Variants in CNBD1 observed in about 807,000 individuals in gnomAD.
CNBD1 encodes the protein cyclic nucleotide binding domain containing 1, also known as cyclic nucleotide-binding domain-containing protein 1.
Under a neutral mutation model 54.4 loss-of-function variants are expected in CNBD1, and 71 were observed. The ratio of observed to expected loss-of-function variants is 1.30; its 90% CI spans 1.08 to 1.59. CNBD1 has a LOEUF of 1.59. Among genes scored for constraint, CNBD1 ranks in the 40% most tolerant of loss-of-function variants. The probability of loss-of-function intolerance (pLI) is 0.00; values close to 1 mark genes in which losing one functional copy is unlikely to be tolerated. For synonymous variants in CNBD1, 182 were observed against 170.7 expected (o/e 1.07, Z -0.51); for missense variants, 659 against 518.0 (o/e 1.27, Z -2.64).
chr8:87,266,437 T>A (rs143578008), intron 6 of CNBD1, among the ~76,000 whole-genome samples: 31 of 41,282 alleles, frequency 7.5e-4, no homozygotes, highest in South Asian at 1.4e-3. Flanking sequence ...AAAAAAAAAA[T>A]CTTTTTTTTT....
In CNBD1 at chr8:86,878,775, G is replaced by A. The variant is rs1022333261; in HGVS notation, c.89-8767G>A. On this transcript the variant is annotated intron_variant, in intron 1 of 10. Transcript: ENST00000518476. Reference sequence around the variant, plus strand: ...CTTCCTATTTCCTCAAACAAGACCAGTATGCATTTTCTCTTGTACCTCTTT... The same window carrying A: ...CTTCCTATTTCCTCAAACAAGACCAATATGCATTTTCTCTTGTACCTCTTT... Among the ~76,000 whole-genome samples the A allele has an allele frequency of 7.9e-5, 12 of 152,108 alleles. 1 individual carries two copies. The highest frequency in any genetic ancestry group is 1.3e-4 in the Non-Finnish European group (9 of 68,004).
intron 5 of CNBD1, among the ~76,000 whole-genome samples, chr8:87,215,730 T>TCTTTAAGC (rs1423193626): frequency 6.6e-6 from 1 of 152,216 alleles, no homozygotes; most frequent in African/African-American, 2.4e-5. Flanking sequence ...TTGAATTGTA[T>TCTTTAAGC]CTTTAAGCCT....
chr8:87,089,926 A>T (rs181877141), intron 4 of CNBD1, among the ~76,000 whole-genome samples: 98 of 152,268 alleles, frequency 6.4e-4, no homozygotes, highest in African/African-American at 2.3e-3. Context: ...GCCTTAGCTT[A>T]CATATATGAA....
chr8:87,328,047 C>A (rs962201776), intron 8 of CNBD1, among the ~76,000 whole-genome samples: 1 of 151,706 alleles, frequency 6.6e-6, no homozygotes, highest in East Asian at 1.9e-4. Context: ...TATATATATA[C>A]CATGGTGGTT....
intron 4 of CNBD1, among the ~76,000 whole-genome samples, chr8:87,195,028 C>T (rs557221677): frequency 1.3e-5 from 2 of 151,566 alleles, no homozygotes; most frequent in African/African-American, 2.4e-5. Flanking sequence ...GGATTACAGG[C>T]GCCTTCCACC....
intron 4 of CNBD1, among the ~76,000 whole-genome samples, chr8:87,080,456 C>T (rs1404928292): frequency 1.3e-5 from 2 of 151,974 alleles, no homozygotes; most frequent in Non-Finnish European, 2.9e-5. Context: ...GTGGCACACA[C>T]CTGTAATCCC....
At chr8:87,055,720 CTTCTTTTTTCT>C (rs1228948738) in intron 4 of CNBD1, among the ~76,000 whole-genome samples, 2 of 151,928 alleles carry the variant, frequency 1.3e-5, no homozygotes, top group Non-Finnish European at 2.9e-5. Context: ...TCCTTCCTTC[CTTCTTTTTTCT>C]TTCTTTTCTT....
intron 10 of CNBD1, among the ~76,000 whole-genome samples, chr8:87,354,180 G>A (rs1810370933): frequency 6.6e-6 from 1 of 152,082 alleles, no homozygotes; most frequent in African/African-American, 2.4e-5. Context: ...AGCTGAAAAT[G>A]GGAGCCTTGT....
Position 86,905,166 on chromosome 8 carries a change from C to T in CNBD1, c.244C>T (p.Pro82Ser), listed in dbSNP as rs572728867. The T allele has an allele frequency of 3.1e-6, 5 of 1,609,750 alleles. No individual in the cohort carries two copies. In the South Asian group the frequency reaches 5.5e-5, roughly 18 times the overall value. ...ATTCCTGCACCAAAAACCCAGACTTCCTAAACTTTTCAAACAGGAGGAACA... is the reference window on the plus strand; with the variant it reads ...ATTCCTGCACCAAAAACCCAGACTTTCTAAACTTTTCAAACAGGAGGAACA... The part of the protein sequence containing the change: ...KVFLHQKPRL[P>S]KLFKQEEQRE... Residue 82 changes from proline (P) to serine (S), a missense_variant, in exon 3 of 11, where the codon CCT (proline) becomes TCT (serine). Physicochemically the swap from Pro to Ser is moderately conservative, Grantham distance 74 (BLOSUM62 -1). Transcript: ENST00000518476.
At chr8:87,215,422 T>TA (rs1397452190) in intron 5 of CNBD1, among the ~76,000 whole-genome samples, 1 of 151,660 alleles carries the variant, frequency 6.6e-6, no homozygotes, top group Non-Finnish European at 1.5e-5. Context: ...CTGTCCCTAC[T>TA]AAAAAAATAC....
chr8:87,205,283 C>T lies in CNBD1; in HGVS notation c.432-710C>T, dbSNP rs554891678. The stretch of plus-strand genomic sequence containing the variant: ...TCCTGACCTCGTGATCCACCCGCCT[C>T]GGCCTCCCAAAGTGCTAGGATTACA... On this transcript the variant is annotated intron_variant, in intron 4 of 10. Coordinates refer to ENST00000518476, the MANE Select transcript of CNBD1 (RefSeq NM_173538.3). Among the ~76,000 whole-genome samples the T allele has an allele frequency of 5.2e-3, 790 of 152,252 alleles. 11 individuals are homozygous for T. The highest frequency in any genetic ancestry group is 0.018 in the African/African-American group (749 of 41,552).
At chr8:87,248,720 A>C (rs994346699) in intron 6 of CNBD1, among the ~76,000 whole-genome samples, 1 of 152,202 alleles carries the variant, frequency 6.6e-6, no homozygotes, top group Non-Finnish European at 1.5e-5. Flanking sequence ...TTTTGTTGGC[A>C]GTCACAGAGT....
chr8:87,012,181 C>A (rs34359235), intron 4 of CNBD1, among the ~76,000 whole-genome samples: 3,688 of 152,108 alleles, frequency 0.024, 60 homozygotes, highest in South Asian at 0.056. Context: ...AATTTTTGTC[C>A]ATTTGATAGT....
intron 4 of CNBD1, among the ~76,000 whole-genome samples, chr8:87,184,911 T>C (rs1394794633): frequency 6.6e-6 from 1 of 152,248 alleles, no homozygotes; most frequent in East Asian, 1.9e-4. Flanking sequence ...CTCCAAGTTT[T>C]AATATGTTGC....
At chr8:87,031,482 C>A (rs1438259163) in intron 4 of CNBD1, among the ~76,000 whole-genome samples, 1 of 152,144 alleles carries the variant, frequency 6.6e-6, no homozygotes, top group Non-Finnish European at 1.5e-5. Context: ...GAAGCCTATG[C>A]AAGCATTTTC....
At chr8:86,880,663 T>C (rs1171147345) in intron 1 of CNBD1, among the ~76,000 whole-genome samples, 2 of 152,192 alleles carry the variant, frequency 1.3e-5, no homozygotes, top group Non-Finnish European at 2.9e-5. Context: ...TATAACACTT[T>C]GGTCCTGAAG....
At chr8:87,188,234 T>C (rs1358214160) in intron 4 of CNBD1, among the ~76,000 whole-genome samples, 1 of 152,180 alleles carries the variant, frequency 6.6e-6, no homozygotes, top group African/African-American at 2.4e-5. Context: ...CTAGATTACG[T>C]CTCTCCACTA....
chr8:87,340,607 G>T (rs575487345), intron 8 of CNBD1, among the ~76,000 whole-genome samples: 2 of 148,198 alleles, frequency 1.3e-5, no homozygotes, highest in South Asian at 2.2e-4. Context: ...TTCTGTTGTT[G>T]TTTTTTTTCC....
chr8:87,114,398 TAGAGTGC>T (rs1342979473), intron 4 of CNBD1, among the ~76,000 whole-genome samples: 1 of 152,252 alleles, frequency 6.6e-6, no homozygotes, highest in Admixed American at 6.5e-5. Flanking sequence ...TTGCCCAGGC[TAGAGTGC>T]AGTGGCTTGA....
Sources: gnomAD v4.1 joint callset for allele counts (sites outside exome capture counted in the v4.1 genomes callset) on GRCh38, gnomAD v4.1.1 for gene constraint, MANE v1.5 for transcripts, NCBI Gene and HGNC (gene_info 2026-07-23, HGNC 2026-07-21) for gene names.